DOK6: variants seen among roughly 807,000 people sequenced by gnomAD.
DOK6 encodes the protein downstream of tyrosine kinase 6.
DOK6 carries 22 observed loss-of-function variants against 44.0 expected under a neutral mutation model. The ratio of observed to expected loss-of-function variants is 0.50; its 90% CI spans 0.36 to 0.71. DOK6 has a LOEUF of 0.71. Among genes scored for constraint, DOK6 ranks in the 30% least tolerant of loss-of-function variants. The pLI is 0.00. For missense variants in DOK6, 340 were observed against 416.4 expected (o/e 0.82, Z 1.60); for synonymous variants, 166 against 145.5 (o/e 1.14, Z -1.01).
At chr18:69,717,954 T>TA (rs929825803) in intron 5 of DOK6, among the ~76,000 whole-genome samples, 6 of 152,066 alleles carry the variant, frequency 3.9e-5, no homozygotes, top group Admixed American at 6.5e-5. Flanking sequence ...ATATAGAAAA[T>TA]AAAAAAATAT....
At chr18:69,654,672 C>T (rs1985317053) in intron 3 of DOK6, among the ~76,000 whole-genome samples, 1 of 152,154 alleles carries the variant, frequency 6.6e-6, no homozygotes, top group African/African-American at 2.4e-5. Flanking sequence ...GAATTCCAAG[C>T]TAATATTAAA....
intron 1 of DOK6, among the ~76,000 whole-genome samples, chr18:69,417,791 T>G (rs762239211): frequency 3.3e-5 from 5 of 152,198 alleles, no homozygotes; most frequent in Non-Finnish European, 5.9e-5. Context: ...GGTTTCTATT[T>G]GCATTTCCCA....
At chr18:69,753,961 A>AT in intron 6 of DOK6, among the ~76,000 whole-genome samples, 1 of 152,136 alleles carries the variant, frequency 6.6e-6, no homozygotes, top group East Asian at 1.9e-4. Context: ...TCATAACATA[A>AT]TTTTTTATAT....
intron 1 of DOK6, among the ~76,000 whole-genome samples, chr18:69,494,182 GA>G (rs1599157839): frequency 6.6e-6 from 1 of 152,252 alleles, no homozygotes; most frequent in East Asian, 1.9e-4. Flanking sequence ...GATTTTTAAA[GA>G]AGATTTGGTA....
At chr18:69,730,914 A>C (rs980525953) in intron 5 of DOK6, among the ~76,000 whole-genome samples, 2 of 152,204 alleles carry the variant, frequency 1.3e-5, no homozygotes, top group African/African-American at 4.8e-5. Flanking sequence ...CAGCCTGAGC[A>C]AGAGAAACCC....
chr18:69,817,767 G>A (rs967456195), intron 7 of DOK6, among the ~76,000 whole-genome samples: 8 of 152,140 alleles, frequency 5.3e-5, no homozygotes, highest in African/African-American at 1.9e-4. Flanking sequence ...CCGGTCCTGA[G>A]TCATCCTCTA....
rs1206349834 is a variant in DOK6, at chr18:69,843,071, A to G, written c.*1688A>G. On this transcript the variant is annotated 3_prime_UTR_variant, in exon 8 of 8. Coordinates refer to ENST00000382713, the MANE Select transcript of DOK6 (RefSeq NM_152721.6). ...ATAAAAGTGGTTCCGGATCCCTCCT[A>G]GATAAATGTGCACTTACAGCAACTA... is the stretch of plus-strand genomic sequence containing the variant. 2.0e-5 allele frequency: 3 copies of G among 152,194 alleles called. No homozygotes were observed. The East Asian group carries it at 5.8e-4, about 29-fold the overall frequency. The allele number at this position is 152,194 out of a possible 1,614,324, so 9.4% of individuals were successfully genotyped here.
intron 1 of DOK6, among the ~76,000 whole-genome samples, chr18:69,426,964 C>A (rs1444363974): frequency 6.6e-6 from 1 of 152,116 alleles, no homozygotes; most frequent in Non-Finnish European, 1.5e-5. Context: ...TAGTGCCCAT[C>A]AGTTATTTTT....
chr18:69,683,433 A>G (rs1484645564), intron 4 of DOK6, among the ~76,000 whole-genome samples: 3 of 152,242 alleles, frequency 2.0e-5, no homozygotes, highest in Non-Finnish European at 2.9e-5. Flanking sequence ...TCAAGTTAAA[A>G]TGAGGTAATT....
At position 69,434,585 on chromosome 18, in the gene DOK6, TCG is replaced by T. The variant is rs1210984770; in HGVS notation, c.66+33276_66+33277del. On this transcript the variant is annotated intron_variant, in intron 1 of 7. Transcript: ENST00000382713. The stretch of plus-strand genomic sequence containing the variant: ...GCGGGCGGATCACGAGGTTAGAGCA[TCG>T]AGACCATTCTGGCCGACATGGTGAA... Among the ~76,000 whole-genome samples, 2 of 137,370 alleles carry T rather than the reference TCG, an allele frequency of 1.5e-5. 1 individual carries two copies. The highest frequency in any genetic ancestry group is 5.5e-5 in the African/African-American group (2 of 36,596). The allele number at this position is 137,370 out of a possible 152,430, so 90.1% of individuals were successfully genotyped here.
intron 3 of DOK6, chr18:69,647,467 G>A (rs1794320742): frequency 6.6e-6 from 1 of 152,156 alleles, no homozygotes; most frequent in South Asian, 2.1e-4. Flanking sequence ...GTCACTTCCA[G>A]TAGGTGACCC....
intron 2 of DOK6, among the ~76,000 whole-genome samples, chr18:69,588,467 C>T (rs1302562129): frequency 3.3e-5 from 5 of 152,010 alleles, no homozygotes; most frequent in South Asian, 2.1e-4. Flanking sequence ...TATGACATTC[C>T]GATAGGGCAG....
At chr18:69,786,692 C>A (rs900559968) in intron 7 of DOK6, among the ~76,000 whole-genome samples, 2 of 152,192 alleles carry the variant, frequency 1.3e-5, no homozygotes, top group Non-Finnish European at 2.9e-5. Context: ...GCAACAGTTG[C>A]AAAAGGCACC....
intron 7 of DOK6, among the ~76,000 whole-genome samples, chr18:69,788,069 A>T (rs184033240): frequency 1.6e-4 from 25 of 152,266 alleles, no homozygotes; most frequent in African/African-American, 5.1e-4. Flanking sequence ...CACTTGGGGG[A>T]CAAGGGTTTT....
chr18:69,524,606 G>T lies in DOK6; in HGVS notation c.67-39881G>T, dbSNP rs141470376. On this transcript the variant is annotated intron_variant, in intron 1 of 7. Transcript: ENST00000382713. ...AAATATACAAAATAAATCTAGGTCAGACCTATTCAGACCATTCCGAACATT... is the reference window on the plus strand; with the variant it reads ...AAATATACAAAATAAATCTAGGTCATACCTATTCAGACCATTCCGAACATT... Among the ~76,000 whole-genome samples, 290 of 151,970 alleles carry T rather than the reference G, an allele frequency of 1.9e-3. 1 individual carries two copies. The highest frequency in any genetic ancestry group is 6.6e-3 in the African/African-American group (276 of 41,516).
chr18:69,839,259 C>T (rs1374672539), intron 7 of DOK6, among the ~76,000 whole-genome samples: 1 of 150,638 alleles, frequency 6.6e-6, no homozygotes, highest in African/African-American at 2.4e-5. Flanking sequence ...CCTAGTCTCT[C>T]CCTAACCCCT....
intron 7 of DOK6, among the ~76,000 whole-genome samples, chr18:69,792,848 C>T (rs186894340): frequency 4.1e-4 from 63 of 152,012 alleles, no homozygotes; most frequent in Middle Eastern, 3.4e-3. Context: ...TTTGCTAAAT[C>T]GTCCTTCAGG....
Position 69,757,880 on chromosome 18 carries a change from C to T in DOK6, c.856+7C>T, listed in dbSNP as rs1979412506. 1 of 1,611,026 alleles carries T rather than the reference C, an allele frequency of 6.2e-7. No individual in the cohort carries two copies. Among genetic ancestry groups the T allele is most frequent in the Non-Finnish European group, 8.5e-7 (1 of 1,177,220 alleles). On this transcript the variant is annotated splice_region_variant and intron_variant, in intron 7 of 7. Coordinates refer to ENST00000382713, the MANE Select transcript of DOK6 (RefSeq NM_152721.6). ...GAAATCTACAGTTTGCAAGGCAAGTCACTTTAATGTAAGAAAGCAGTGCCT... is the reference window on the plus strand; with the variant it reads ...GAAATCTACAGTTTGCAAGGCAAGTTACTTTAATGTAAGAAAGCAGTGCCT...
intron 1 of DOK6, among the ~76,000 whole-genome samples, chr18:69,563,967 A>G (rs1982907020): frequency 6.6e-6 from 1 of 152,204 alleles, no homozygotes; most frequent in South Asian, 2.1e-4. Context: ...ACTTCCTATT[A>G]CAGAAGTTCA....
Sources: gnomAD v4.1 joint callset for allele counts (sites outside exome capture counted in the v4.1 genomes callset) on GRCh38, gnomAD v4.1.1 for gene constraint, MANE v1.5 for transcripts, NCBI Gene and HGNC (gene_info 2026-07-23, HGNC 2026-07-21) for gene names.